Variants in KCNK9 observed in about 807,000 individuals in gnomAD.
KCNK9 encodes the protein potassium channel subfamily K member 9.
KCNK9 carries 1 observed loss-of-function variant against 10.8 expected under a neutral mutation model. The observed-to-expected ratio is 0.09, with a 90% CI of 0.03 to 0.44. KCNK9 has a LOEUF of 0.44. KCNK9 is among the 20% of genes least tolerant of loss of function. The probability of loss-of-function intolerance (pLI) is 0.97; values close to 1 mark genes in which losing one functional copy is unlikely to be tolerated. For missense variants in KCNK9, 303 were observed against 515.0 expected, an observed-to-expected ratio of 0.59 and a Z score of 3.98; for synonymous variants, 231 against 222.7, an observed-to-expected ratio of 1.04 and a Z score of -0.33.
At chr8:139,608,691 G>A (rs1381847841), downstream of KCNK9, among the ~76,000 whole-genome samples, 2 of 152,126 alleles carry the variant, frequency 1.3e-5, no homozygotes, top group South Asian at 2.1e-4. Flanking sequence ...CGTACTGCAC[G>A]CCGTACCCAG....
intron 1 of KCNK9, among the ~76,000 whole-genome samples, chr8:139,673,086 G>A (rs1334440909): frequency 6.6e-6 from 1 of 152,190 alleles, no homozygotes; most frequent in Non-Finnish European, 1.5e-5. Flanking sequence ...CTCAATCCTT[G>A]GATCTGGGGA....
intron 1 of KCNK9, among the ~76,000 whole-genome samples, chr8:139,646,378 G>A (rs1015592045): frequency 2.0e-4 from 31 of 152,298 alleles, no homozygotes; most frequent in Middle Eastern, 3.4e-3. Context: ...ATGTGATCAC[G>A]GGCAGATGAC....
chr8:139,614,144 G>A (rs934607869), downstream of KCNK9, among the ~76,000 whole-genome samples: 1 of 152,186 alleles, frequency 6.6e-6, no homozygotes, highest in African/African-American at 2.4e-5. Flanking sequence ...GCAAGTGATT[G>A]TCAGTGAGAA....
chr8:139,608,578 C>A (rs113558985), downstream of KCNK9, among the ~76,000 whole-genome samples: 3,508 of 151,704 alleles, frequency 0.023, 134 homozygotes, highest in African/African-American at 0.079. Flanking sequence ...CTTGCACCCC[C>A]ACCACAGAGC....
intron 1 of KCNK9, among the ~76,000 whole-genome samples, chr8:139,649,275 AG>A (rs1815782264): frequency 6.6e-6 from 1 of 152,160 alleles, no homozygotes; most frequent in Non-Finnish European, 1.5e-5. Flanking sequence ...AATTGGCCTG[AG>A]TGGCGCGTCA....
At chr8:139,640,607 C>T (rs1203362441) in intron 1 of KCNK9, among the ~76,000 whole-genome samples, 2 of 152,206 alleles carry the variant, frequency 1.3e-5, no homozygotes. Context: ...CCCAAGCCAC[C>T]AGGGCCTGTG....
At chr8:139,606,073 C>G (rs1419518394) in intron 2 of KCNK9, among the ~76,000 whole-genome samples, 1 of 152,078 alleles carries the variant, frequency 6.6e-6, no homozygotes, top group Admixed American at 6.5e-5. Context: ...TGATTTTTGC[C>G]AAGTCTGATA....
intron 1 of KCNK9, among the ~76,000 whole-genome samples, chr8:139,621,977 C>T (rs185797990): frequency 2.6e-5 from 4 of 152,318 alleles, no homozygotes; most frequent in Non-Finnish European, 5.9e-5. Context: ...CAGGGTCCCC[C>T]ACCCTGACTT....
At chr8:139,656,567 C>T (rs752446178) in intron 1 of KCNK9, among the ~76,000 whole-genome samples, 10 of 152,234 alleles carry the variant, frequency 6.6e-5, no homozygotes, top group Non-Finnish European at 8.8e-5. Context: ...ACACCTGCCC[C>T]GGGAAGCCAT....
At chr8:139,637,073 A>G (rs1815359947) in intron 1 of KCNK9, among the ~76,000 whole-genome samples, 1 of 152,272 alleles carries the variant, frequency 6.6e-6, no homozygotes, top group African/African-American at 2.4e-5. Context: ...GATTCAAAGG[A>G]GGCTTTGGAA....
chr8:139,676,952 AAAAC>A lies in KCNK9; in HGVS notation c.283+25754_283+25757del, dbSNP rs200581893. Among the ~76,000 whole-genome samples, 128 of 152,332 alleles carry A rather than the reference AAAAC, an allele frequency of 8.4e-4. 1 individual carries two copies. Among genetic ancestry groups the A allele is most frequent in the African/African-American group, 2.7e-3 (111 of 41,560 alleles). On this transcript the variant is annotated intron_variant, in intron 1 of 1. Coordinates refer to ENST00000520439, the MANE Select transcript of KCNK9 (RefSeq NM_001282534.2). ...GGGTGACAGAGTGAGACTGTCTCAA[AAAAC>A]AAACAAACAAACAAACAGACAGACA...
At chr8:139,610,791 AG>A (rs1814400471), downstream of KCNK9, among the ~76,000 whole-genome samples, 1 of 152,208 alleles carries the variant, frequency 6.6e-6, no homozygotes, top group East Asian at 1.9e-4. Flanking sequence ...GAGTCAGGGA[AG>A]GTTCTTGAGC....
At chr8:139,651,352 AT>A (rs1815857083) in intron 1 of KCNK9, among the ~76,000 whole-genome samples, 1 of 152,080 alleles carries the variant, frequency 6.6e-6, no homozygotes, top group Non-Finnish European at 1.5e-5. Context: ...GCTGACCACA[AT>A]CCCACCTCCT....
At chr8:139,663,082 C>T (rs1816204726) in intron 1 of KCNK9, among the ~76,000 whole-genome samples, 1 of 152,108 alleles carries the variant, frequency 6.6e-6, no homozygotes, top group African/African-American at 2.4e-5. Context: ...CCAGACACAA[C>T]ACACTCCCTG....
intron 1 of KCNK9, among the ~76,000 whole-genome samples, chr8:139,699,378 A>G (rs1434774583): frequency 2.0e-5 from 3 of 152,186 alleles, no homozygotes; most frequent in Non-Finnish European, 4.4e-5. Context: ...ACCCTGGCCC[A>G]GCACTCCTGA....
At chr8:139,612,716 C>T (rs1396988561), downstream of KCNK9, 1 of 152,182 alleles carries the variant, frequency 6.6e-6, no homozygotes, top group Non-Finnish European at 1.5e-5. Flanking sequence ...TATTTATCCA[C>T]AATGAAAGCA....
intron 1 of KCNK9, among the ~76,000 whole-genome samples, chr8:139,648,834 A>T (rs528791566): frequency 6.7e-4 from 102 of 152,226 alleles, no homozygotes; most frequent in Non-Finnish European, 1.4e-3. Context: ...GCTGGAGTGA[A>T]GCCTCTGGGC....
chr8:139,629,237 C>T (rs1815085916), intron 1 of KCNK9, among the ~76,000 whole-genome samples: 1 of 152,256 alleles, frequency 6.6e-6, no homozygotes, highest in Non-Finnish European at 1.5e-5. Flanking sequence ...GAAACACCCT[C>T]TGCTGGCTGG....
At chr8:139,686,089 T>C (rs541345240) in intron 1 of KCNK9, among the ~76,000 whole-genome samples, 3 of 152,256 alleles carry the variant, frequency 2.0e-5, no homozygotes, top group Non-Finnish European at 4.4e-5. Flanking sequence ...GATCCCTTCC[T>C]TACACCTTAT....
Sources: gnomAD v4.1 joint callset for allele counts (sites outside exome capture counted in the v4.1 genomes callset) on GRCh38, gnomAD v4.1.1 for gene constraint, MANE v1.5 for transcripts, NCBI Gene and HGNC (gene_info 2026-07-23, HGNC 2026-07-21) for gene names.